KRAS: variants seen among roughly 807,000 people sequenced by gnomAD.
The protein encoded by KRAS is GTPase KRas.
Under a neutral mutation model 21.0 loss-of-function variants are expected in KRAS, and 1 was observed. The ratio of observed to expected loss-of-function variants is 0.05; its 90% confidence interval spans 0.02 to 0.23. The LOEUF (loss-of-function observed/expected upper bound fraction) is 0.23. KRAS is among the 10% of genes least tolerant of loss of function. KRAS has a pLI of 1.00. For synonymous variants in KRAS, 67 were observed against 72.5 expected (o/e 0.92, Z 0.39); for missense variants, 107 against 221.8 (o/e 0.48, Z 3.29).
At chr12:25,229,646 G>A (rs1036820626) in intron 2 of KRAS, among the ~76,000 whole-genome samples, 1 of 152,164 alleles carries the variant, frequency 6.6e-6, no homozygotes, top group African/African-American at 2.4e-5. Flanking sequence ...ATGGTAAAGG[G>A]ATGTTACAAT....
rs1951155270 is a variant in KRAS, at chr12:25,207,816, AT to A, written c.*1978del. Reference sequence around the variant, plus strand: ...CAAATCCCTTTATGGTATCTGTCAGATTCTCTTGAGCCCTGAGGAAATAAGA... The same window carrying A: ...CAAATCCCTTTATGGTATCTGTCAGATCTCTTGAGCCCTGAGGAAATAAGA... On this transcript the variant is annotated 3_prime_UTR_variant, in exon 5 of 5. Coordinates refer to ENST00000311936, the MANE Select transcript of KRAS (RefSeq NM_004985.5). 4 of 233,006 alleles carry A rather than the reference AT, an allele frequency of 1.7e-5. No homozygotes were observed. Among genetic ancestry groups the A allele is most frequent in the Admixed American group, 5.6e-5 (1 of 17,776 alleles). 14.4% of individuals were successfully genotyped at this position (233,006 alleles called of 1,614,324 possible). A position where few individuals can be genotyped will look rare whatever the true frequency, so the allele number is the denominator to read the frequency against.
chr12:25,228,778 G>C (rs1298023777), intron 2 of KRAS, among the ~76,000 whole-genome samples: 1 of 152,114 alleles, frequency 6.6e-6, no homozygotes, highest in Non-Finnish European at 1.5e-5. Flanking sequence ...TAACTACCAT[G>C]GTCTAGGCGC....
At chr12:25,230,127 A>G (rs899591803) in intron 2 of KRAS, among the ~76,000 whole-genome samples, 5 of 152,188 alleles carry the variant, frequency 3.3e-5, no homozygotes, top group Non-Finnish European at 7.3e-5. Flanking sequence ...CAGAGGGAGA[A>G]AGAGAGAAAG....
At chr12:25,244,309 G>A (rs1324755203) in intron 2 of KRAS, among the ~76,000 whole-genome samples, 2 of 152,066 alleles carry the variant, frequency 1.3e-5, no homozygotes, top group Non-Finnish European at 2.9e-5. Context: ...TTAACCCAGG[G>A]TAAAGAAGCC....
At chr12:25,218,046 T>C (rs1205306240) in intron 4 of KRAS, among the ~76,000 whole-genome samples, 1 of 152,200 alleles carries the variant, frequency 6.6e-6, no homozygotes, top group African/African-American at 2.4e-5. Context: ...TAAAATAACT[T>C]TGTAGCATGT....
chr12:25,250,850 G>A lies in KRAS; in HGVS notation c.-111C>T, dbSNP rs1287059423. ...CAGTCCGAAATGGCGGGGGCCGGGA[G>A]TACTGGCCGAGCCGCCGCCACCTTC... On this transcript the variant is annotated 5_prime_UTR_variant, in exon 1 of 5. Transcript: ENST00000311936. 4 of 241,930 alleles carry A rather than the reference G, an allele frequency of 1.7e-5. No homozygotes were observed. The highest frequency in any genetic ancestry group is 1.3e-4 in the East Asian group (2 of 15,152). 15.0% of individuals were successfully genotyped at this position (241,930 alleles called of 1,614,324 possible).
At chr12:25,240,048 T>G (rs1951591918) in intron 2 of KRAS, among the ~76,000 whole-genome samples, 1 of 152,212 alleles carries the variant, frequency 6.6e-6, no homozygotes, top group Non-Finnish European at 1.5e-5. Context: ...TTCAATGTTT[T>G]ATTTTGAAAA....
rs730880473 is a variant in KRAS at position 25,225,675 on chromosome 12, G to A, written c.389C>T (p.Ala130Val). The A allele has an allele frequency of 2.5e-5, 41 of 1,613,116 alleles. No individual in the cohort carries two copies. Among genetic ancestry groups the A allele is most frequent in the Non-Finnish European group, 3.5e-5 (41 of 1,179,550 alleles). Reference protein sequence around the residue: ...LPSRTVDTKQAQDLARSYGIP... With the variant: ...LPSRTVDTKQVQDLARSYGIP... ...TCCATAACTTCTTGCTAAGTCCTGA[G>A]CCTGTTTTGTGTCTACTGTTCTAGA... The change falls in exon 4 of 5, where the codon GCT becomes GTT. Residue 130 changes from alanine (A) to valine (V), a missense_variant. Ala to Val is a moderately conservative substitution (Grantham distance 64, BLOSUM62 0). Transcript: ENST00000311936.
At chr12:25,248,407 G>A (rs1337499944) in intron 1 of KRAS, among the ~76,000 whole-genome samples, 1 of 151,732 alleles carries the variant, frequency 6.6e-6, no homozygotes, top group African/African-American at 2.4e-5. Context: ...CCGAGATCGC[G>A]CCACTGCATT....
chr12:25,227,275 G>A lies in KRAS; in HGVS notation c.249C>T (p.Ala83=), dbSNP rs751117590. The change falls in exon 3 of 5, where the codon GCC becomes GCT. Residue 83 remains alanine (A), a synonymous_variant. Transcript: ENST00000311936. The part of the protein sequence containing the change: ...RTGEGFLCVF[A]INNTKSFEDI... ...CTTCAAATGATTTAGTATTATTTATGGCAAATACACAAAGAAAGCCCTCCC... is the reference window on the plus strand; with the variant it reads ...CTTCAAATGATTTAGTATTATTTATAGCAAATACACAAAGAAAGCCCTCCC... The A allele has an allele frequency of 3.3e-5, 54 of 1,613,436 alleles. No homozygotes were observed. Among genetic ancestry groups the A allele is most frequent in the Non-Finnish European group, 4.6e-5 (54 of 1,179,594 alleles).
chr12:25,227,010 G>T (rs937426215), intron 3 of KRAS, among the ~76,000 whole-genome samples: 2 of 151,998 alleles, frequency 1.3e-5, no homozygotes, highest in African/African-American at 4.8e-5. Flanking sequence ...AACAGGCCTA[G>T]GTTTCAATCC....
intron 2 of KRAS, among the ~76,000 whole-genome samples, chr12:25,236,164 A>G (rs753427285): frequency 6.6e-6 from 1 of 152,114 alleles, no homozygotes; most frequent in Non-Finnish European, 1.5e-5. Flanking sequence ...ACAATCAAGC[A>G]GGGGCCAGCT....
intron 2 of KRAS, among the ~76,000 whole-genome samples, chr12:25,241,507 A>G (rs1951609732): frequency 6.6e-6 from 1 of 152,236 alleles, no homozygotes; most frequent in African/African-American, 2.4e-5. Flanking sequence ...ATTAACGTAC[A>G]AAAGTTAAAG....
intron 4 of KRAS, among the ~76,000 whole-genome samples, chr12:25,212,233 C>T (rs1329413108): frequency 6.6e-6 from 1 of 151,120 alleles, no homozygotes; most frequent in Non-Finnish European, 1.5e-5. Flanking sequence ...TCCATTTCTA[C>T]TACTTTTACA....
At chr12:25,245,953 T>C (rs1287507713) in intron 1 of KRAS, among the ~76,000 whole-genome samples, 3 of 152,158 alleles carry the variant, frequency 2.0e-5, no homozygotes, top group African/African-American at 7.2e-5. Flanking sequence ...AGATGAGAGT[T>C]GAGAGAATGA....
intron 2 of KRAS, among the ~76,000 whole-genome samples, chr12:25,244,447 T>G (rs1951650461): frequency 6.6e-6 from 1 of 152,192 alleles, no homozygotes; most frequent in South Asian, 2.1e-4. Context: ...AAATATGTTC[T>G]GAAAATGAGT....
intron 3 of KRAS, among the ~76,000 whole-genome samples, chr12:25,226,746 T>A (rs1380429577): frequency 2.0e-5 from 3 of 152,220 alleles, no homozygotes; most frequent in African/African-American, 7.2e-5. Context: ...CTTTGTCAGA[T>A]TTAAGAGAAC....
intron 2 of KRAS, among the ~76,000 whole-genome samples, chr12:25,240,423 C>T (rs549522544): frequency 6.6e-6 from 1 of 152,070 alleles, no homozygotes; most frequent in African/African-American, 2.4e-5. Context: ...CATGAAGTTC[C>T]GAAAAGTAAA....
intron 1 of KRAS, among the ~76,000 whole-genome samples, chr12:25,247,597 T>A (rs181982159): frequency 8.5e-5 from 13 of 152,304 alleles, no homozygotes; most frequent in Admixed American, 3.3e-4. Context: ...CCCAACCAGT[T>A]TGCATAGCCT....
Sources: gnomAD v4.1 joint callset for allele counts (sites outside exome capture counted in the v4.1 genomes callset) on GRCh38, gnomAD v4.1.1 for gene constraint, MANE v1.5 for transcripts, NCBI Gene and HGNC (gene_info 2026-07-23, HGNC 2026-07-21) for gene names.